PCDH15: variants seen among roughly 807,000 people sequenced by gnomAD.
PCDH15 encodes protocadherin related 15.
A neutral mutation model predicts 178.5 loss-of-function variants in PCDH15; 129 were observed. That is an observed-to-expected ratio of 0.72 (90% CI 0.63 to 0.84). The LOEUF is 0.84. Among genes scored for constraint, PCDH15 ranks in the 40% least tolerant of loss-of-function variants. PCDH15 has a pLI of 0.00. For missense variants in PCDH15, 2,230 were observed against 2,099.9 expected, an observed-to-expected ratio of 1.06 and a Z score of -1.21; for synonymous variants, 800 against 732.0, an observed-to-expected ratio of 1.09 and a Z score of -1.50.
At chr10:54,772,555 C>A (rs1949218073) in intron 1 of PCDH15, among the ~76,000 whole-genome samples, 1 of 151,324 alleles carries the variant, frequency 6.6e-6, no homozygotes, top group African/African-American at 2.4e-5. Flanking sequence ...CAAATCAAAA[C>A]CACAATGAGA....
At chr10:53,808,726 C>T (rs748541588) in intron 37 of PCDH15, 2 of 1,612,942 alleles carry the variant, frequency 1.2e-6, no homozygotes, top group East Asian at 4.5e-5. Flanking sequence ...AGAGTTTGCT[C>T]CTGGCGACTT....
chr10:54,602,680 GTAT>G (rs2092592412), intron 2 of PCDH15, among the ~76,000 whole-genome samples: 1 of 151,896 alleles, frequency 6.6e-6, no homozygotes. Flanking sequence ...TTAGAAATAG[GTAT>G]TAAATTTGAC....
chr10:54,243,717 C>A (rs1479808705), intron 8 of PCDH15, among the ~76,000 whole-genome samples: 40 of 152,014 alleles, frequency 2.6e-4, no homozygotes, highest in Non-Finnish European at 1.3e-4. Context: ...GCCAAACAAC[C>A]ATTTCTGTTT....
At chr10:54,534,926 A>G (rs1026414754) in intron 2 of PCDH15, among the ~76,000 whole-genome samples, 2 of 152,234 alleles carry the variant, frequency 1.3e-5, no homozygotes, top group African/African-American at 4.8e-5. Flanking sequence ...TATAAAATCA[A>G]TGGAACAATA....
chr10:54,669,118 T>C (rs1191182279), intron 1 of PCDH15, among the ~76,000 whole-genome samples: 1 of 152,116 alleles, frequency 6.6e-6, no homozygotes, highest in East Asian at 1.9e-4. Context: ...TCAATTTGCT[T>C]AAATGACTAG....
chr10:55,231,265 T>A (rs551010621), intron 1 of PCDH15, among the ~76,000 whole-genome samples: 1 of 151,978 alleles, frequency 6.6e-6, no homozygotes, highest in Non-Finnish European at 1.5e-5. Context: ...CTAAAATTGC[T>A]AAGAAATCTG....
chr10:53,923,036 A>C (rs2246768), intron 25 of PCDH15, among the ~76,000 whole-genome samples: 1 of 151,928 alleles, frequency 6.6e-6, no homozygotes, highest in Admixed American at 6.6e-5. Flanking sequence ...GCAGTGAGCC[A>C]AGATCGTGCC....
At chr10:54,080,895 A>G (rs2094427736) in intron 16 of PCDH15, among the ~76,000 whole-genome samples, 1 of 152,144 alleles carries the variant, frequency 6.6e-6, no homozygotes, top group South Asian at 2.1e-4. Context: ...TAAGACATGT[A>G]TTTCTTCTGA....
At chr10:54,884,041 A>T (rs1954308712) in intron 3 of PCDH15, among the ~76,000 whole-genome samples, 1 of 152,074 alleles carries the variant, frequency 6.6e-6, no homozygotes, top group Non-Finnish European at 1.5e-5. Flanking sequence ...CATTATGTGG[A>T]CTACAGTGAG....
chr10:54,185,490 G>T (rs2048406215), intron 11 of PCDH15, among the ~76,000 whole-genome samples: 2 of 151,552 alleles, frequency 1.3e-5, no homozygotes, highest in Admixed American at 1.3e-4. Flanking sequence ...AATACAAACA[G>T]GTATAATCAA....
chr10:55,563,971 T>C (rs1458116161), intron 2 of PCDH15, among the ~76,000 whole-genome samples: 1 of 151,870 alleles, frequency 6.6e-6, no homozygotes, highest in Non-Finnish European at 1.5e-5. Context: ...CTCAAAGCTA[T>C]ATGAATAAGT....
intron 2 of PCDH15, among the ~76,000 whole-genome samples, chr10:55,557,760 T>C (rs1402943675): frequency 6.6e-6 from 1 of 151,980 alleles, no homozygotes; most frequent in Non-Finnish European, 1.5e-5. Context: ...TCAGAAAAAT[T>C]TTCCCCATGG....
chr10:55,282,158 A>G (rs1160267496), intron 1 of PCDH15, among the ~76,000 whole-genome samples: 1 of 152,192 alleles, frequency 6.6e-6, no homozygotes, highest in Non-Finnish European at 1.5e-5. Context: ...ATCCTTAATA[A>G]TAATACTGTT....
chr10:54,130,952 A>G lies in PCDH15; in HGVS notation c.1917+1923T>C, dbSNP rs534572063. Among the ~76,000 whole-genome samples the G allele has an allele frequency of 5.9e-5, 9 of 152,292 alleles. No homozygotes were observed. In the South Asian group the frequency reaches 1.9e-3, roughly 32 times the overall value. On this transcript the variant is annotated intron_variant, in intron 15 of 37. Transcript: ENST00000644397. ...AAGTGGGTGGTTAGTGGCCTATGAA[A>G]AGTACCTTCATGGTATTACCCTTGT...
At chr10:53,829,760 G>A (rs1475206817) in intron 30 of PCDH15, among the ~76,000 whole-genome samples, 1 of 152,086 alleles carries the variant, frequency 6.6e-6, no homozygotes, top group African/African-American at 2.4e-5. Flanking sequence ...AAATATTAAA[G>A]GAATGGAGTC....
intron 3 of PCDH15, among the ~76,000 whole-genome samples, chr10:54,839,373 A>C (rs1028455974): frequency 6.6e-6 from 1 of 152,136 alleles, no homozygotes; most frequent in African/African-American, 2.4e-5. Flanking sequence ...AGAATACAAT[A>C]AAAGAATTGA....
chr10:54,904,441 A>G (rs1429961922), intron 2 of PCDH15, among the ~76,000 whole-genome samples: 4 of 151,882 alleles, frequency 2.6e-5, no homozygotes, highest in Admixed American at 2.0e-4. Context: ...TCCTAGGTCA[A>G]CCTGGTTTGG....
At chr10:55,527,610 G>A (rs1314498072) in intron 2 of PCDH15, among the ~76,000 whole-genome samples, 1 of 151,780 alleles carries the variant, frequency 6.6e-6, no homozygotes, top group Non-Finnish European at 1.5e-5. Context: ...ATAATAATAT[G>A]AAAGTATGAA....
At chr10:55,014,906 A>C (rs922743204) in intron 2 of PCDH15, among the ~76,000 whole-genome samples, 10 of 152,174 alleles carry the variant, frequency 6.6e-5, no homozygotes, top group Non-Finnish European at 1.0e-4. Context: ...AGTGTCAGAT[A>C]AAAATTTTCT....
Sources: allele counts gnomAD v4.1 joint callset (sites outside exome capture counted in the v4.1 genomes callset), GRCh38; gene constraint gnomAD v4.1.1; transcripts MANE v1.5; gene names NCBI Gene and HGNC (gene_info 2026-07-23, HGNC 2026-07-21).